The following RFX7 variants were observed in gnomAD, a reference collection of about 807,000 sequenced individuals.
The protein encoded by RFX7 is regulatory factor X7.
In RFX7, 26 loss-of-function variants were observed where a neutral mutation model predicts 111.8. That is an observed-to-expected ratio of 0.23 (90% CI 0.17 to 0.32). The LOEUF is 0.32. Among genes scored for constraint, RFX7 ranks in the 10% least tolerant of loss-of-function variants. The pLI is 1.00. For missense variants in RFX7, 1,573 were observed against 1,772.9 expected (o/e 0.89, Z 2.02); for synonymous variants, 624 against 624.4 (o/e 1.00, Z 0.01).
chr15:56,202,106 C>A (rs1281338905), intron 2 of RFX7, among the ~76,000 whole-genome samples: 1 of 152,026 alleles, frequency 6.6e-6, no homozygotes, highest in Non-Finnish European at 1.5e-5. Flanking sequence ...ACAATTTTTC[C>A]CCAGACCAGA....
rs745436008 is a variant in RFX7, at chr15:56,094,683, G to C, written c.3045C>G (p.Pro1015=). ...PHSNCSSSVP[P]SPVECRNPFA... is the part of the protein sequence containing the mutation. The stretch of plus-strand genomic sequence containing the variant: ...ACGGATTCCTGCATTCAACAGGGCT[G>C]GGGGGGACACTACTGCTGCAGTTAG... Residue 1015 remains proline (P), a synonymous_variant, in exon 10 of 10, where the codon CCC becomes CCG. Transcript: ENST00000559447. 4.4e-5 allele frequency: 71 copies of C among 1,613,608 alleles called. No homozygotes were observed. The highest frequency in any genetic ancestry group is 5.4e-5 in the Non-Finnish European group (64 of 1,179,776).
chr15:56,208,113 C>T (rs2043273884), intron 2 of RFX7, among the ~76,000 whole-genome samples: 1 of 152,172 alleles, frequency 6.6e-6, no homozygotes. Context: ...GAAAAACCTC[C>T]TCTGAATATT....
At chr15:56,194,499 TG>T (rs1482025601) in intron 2 of RFX7, among the ~76,000 whole-genome samples, 1 of 152,186 alleles carries the variant, frequency 6.6e-6, no homozygotes, top group Non-Finnish European at 1.5e-5. Flanking sequence ...AGATCCCTTT[TG>T]TAGGTTGTGA....
intron 2 of RFX7, among the ~76,000 whole-genome samples, chr15:56,228,455 G>T (rs1473568705): frequency 1.3e-5 from 2 of 151,958 alleles, no homozygotes; most frequent in Non-Finnish European, 2.9e-5. Flanking sequence ...CCAAGCATCA[G>T]AACCAGACTC....
chr15:56,236,563 C>T (rs1258582140), intron 2 of RFX7, among the ~76,000 whole-genome samples: 1 of 152,136 alleles, frequency 6.6e-6, no homozygotes, highest in Non-Finnish European at 1.5e-5. Context: ...TATCATGTTC[C>T]TTATAATTTA....
intron 2 of RFX7, among the ~76,000 whole-genome samples, chr15:56,235,863 A>G (rs145988141): frequency 5.0e-4 from 76 of 152,328 alleles, no homozygotes; most frequent in African/African-American, 1.7e-3. Context: ...AAATGGGTTC[A>G]GATAATTTAT....
chr15:56,232,757 G>C (rs1469606318), intron 2 of RFX7, among the ~76,000 whole-genome samples: 1 of 152,124 alleles, frequency 6.6e-6, no homozygotes, highest in African/African-American at 2.4e-5. Flanking sequence ...CAAGTTAAAA[G>C]TTCCACAAAT....
chr15:56,138,546 T>C (rs1478945783), intron 5 of RFX7, among the ~76,000 whole-genome samples: 26 of 150,776 alleles, frequency 1.7e-4, no homozygotes, highest in Non-Finnish European at 5.9e-5. Flanking sequence ...TACAGCACAC[T>C]GATGGGTCTT....
rs771322444 is a variant in RFX7, at chr15:56,096,461, G to A, written c.1267C>T (p.Arg423Cys). 1.9e-6 allele frequency: 3 copies of A among 1,612,104 alleles called. No individual in the cohort carries two copies. The highest frequency in any genetic ancestry group is 2.5e-6 in the Non-Finnish European group (3 of 1,179,006). Residue 423 changes from arginine to cysteine, a missense_variant, in exon 10 of 10, where the codon CGT becomes TGT. Arg to Cys is a radical substitution (Grantham distance 180, BLOSUM62 -3). Around this residue, in one of 7 missense-constraint regions of RFX7, gnomAD observed 288 missense variants for 337.9 expected, o/e 0.85. Coordinates refer to ENST00000559447, the MANE Select transcript of RFX7 (RefSeq NM_022841.7). ...TGAGGGTAACGGTGCCGGGCAGAAC[G>A]ATCCCCACCAGGACTGGCTGGAACG... is the stretch of plus-strand genomic sequence containing the variant. Reference protein sequence around the residue: ...QNVPASPGGDRSARHRYPQIL... With the variant: ...QNVPASPGGDCSARHRYPQIL...
At chr15:56,216,357 G>A (rs1338019637) in intron 2 of RFX7, among the ~76,000 whole-genome samples, 2 of 152,126 alleles carry the variant, frequency 1.3e-5, no homozygotes. Flanking sequence ...TAATACTGAA[G>A]TAATTTAAAG....
intron 5 of RFX7, among the ~76,000 whole-genome samples, chr15:56,116,977 A>AT (rs1233650723): frequency 6.6e-6 from 1 of 152,192 alleles, no homozygotes; most frequent in African/African-American, 2.4e-5. Context: ...AGCCTGTGGC[A>AT]TTAGAAGCCA....
chr15:56,107,205 G>C (rs1312670773), intron 5 of RFX7, among the ~76,000 whole-genome samples: 3 of 138,446 alleles, frequency 2.2e-5, no homozygotes, highest in Non-Finnish European at 4.5e-5. Flanking sequence ...GCTGAGGCAG[G>C]AGAATGGCGT....
At chr15:56,197,719 A>G (rs966037594) in intron 2 of RFX7, among the ~76,000 whole-genome samples, 45 of 152,120 alleles carry the variant, frequency 3.0e-4, no homozygotes, top group Non-Finnish European at 3.5e-4. Flanking sequence ...AGGAGTGTGG[A>G]AAAAAAGTAT....
Position 56,109,750 on chromosome 15 carries a change from TGAG to T in RFX7, c.402-6083_402-6081del, listed in dbSNP as rs1273852737. On this transcript the variant is annotated intron_variant, in intron 5 of 9. Transcript: ENST00000559447. Reference sequence around the variant, plus strand: ...CTGCCCGGCCGCCCCGTCTGAGAAGTGAGGAGACCCTCTGCCTGGCAACCGCCC... The same window carrying T: ...CTGCCCGGCCGCCCCGTCTGAGAAGTGAGACCCTCTGCCTGGCAACCGCCC... Among the ~76,000 whole-genome samples, 3 of 147,438 alleles carry T rather than the reference TGAG, an allele frequency of 2.0e-5. No individual in the cohort carries two copies. In the South Asian group the frequency reaches 6.5e-4, roughly 32 times the overall value.
intron 5 of RFX7, among the ~76,000 whole-genome samples, chr15:56,120,335 G>C (rs113468804): frequency 0.066 from 9,996 of 152,138 alleles, 452 homozygotes; most frequent in Admixed American, 0.1. Context: ...ACTGATTTTT[G>C]TATGTTGATA....
Position 56,093,507 on chromosome 15 carries a change from A to G in RFX7, c.4221T>C (p.Asp1407=). 1 of 1,613,880 alleles carries G rather than the reference A, an allele frequency of 6.2e-7. No individual in the cohort carries two copies. The highest frequency in any genetic ancestry group is 8.5e-7 in the Non-Finnish European group (1 of 1,179,826). The change falls in exon 10 of 10, where the codon GAT becomes GAC. Residue 1407 remains aspartate (D), a synonymous_variant. Coordinates refer to ENST00000559447, the MANE Select transcript of RFX7 (RefSeq NM_022841.7). ...CATCTTGTCCCTGCTGACGACCTGG[A>G]TCAAACAGTAGATTTGGGTCTAAAG... The part of the protein sequence containing the change: ...LNTLDPNLLF[D]PGRQQGQDDE...
chr15:56,231,161 T>C (rs1278746252), intron 2 of RFX7, among the ~76,000 whole-genome samples: 3 of 152,180 alleles, frequency 2.0e-5, no homozygotes, highest in African/African-American at 7.2e-5. Context: ...GACTGCAATA[T>C]ACAGCATAGT....
At chr15:56,215,762 G>A (rs1265470533) in intron 2 of RFX7, among the ~76,000 whole-genome samples, 1 of 152,138 alleles carries the variant, frequency 6.6e-6, no homozygotes, top group African/African-American at 2.4e-5. Context: ...AAACTTAATG[G>A]TTTAAACAAA....
chr15:56,218,023 T>C (rs1191864616), intron 2 of RFX7, among the ~76,000 whole-genome samples: 2 of 151,932 alleles, frequency 1.3e-5, no homozygotes, highest in Admixed American at 6.6e-5. Flanking sequence ...GAGATGGTTG[T>C]GCCTGTACTG....
Sources: gnomAD v4.1 joint callset for allele counts (sites outside exome capture counted in the v4.1 genomes callset) on GRCh38, gnomAD v4.1.1 for gene constraint, gnomAD v4.1.1 regional missense constraint, MANE v1.5 for transcripts, NCBI Gene and HGNC (gene_info 2026-07-23, HGNC 2026-07-21) for gene names.